Variants in SPOUT1 observed in about 807,000 individuals in gnomAD.
The protein encoded by SPOUT1 is SPOUT domain containing methyltransferase 1, also known as 28S rRNA (uridine-N(3))-methyltransferase.
A neutral mutation model predicts 54.8 loss-of-function variants in SPOUT1; 40 were observed. The ratio of observed to expected loss-of-function variants is 0.73; its 90% CI spans 0.57 to 0.95. The LOEUF is 0.95. Ranked by LOEUF, SPOUT1 falls within the 40% of genes least tolerant of loss-of-function variation. The pLI, the probability that SPOUT1 is intolerant of heterozygous loss-of-function variation, is 0.00. For synonymous variants in SPOUT1, 193 were observed against 200.3 expected, an observed-to-expected ratio of 0.96 and a Z score of 0.31; for missense variants, 437 against 499.5, an observed-to-expected ratio of 0.87 and a Z score of 1.19.
In SPOUT1 at chr9:128,821,150, T is replaced by C. The variant is rs966033910; in HGVS notation, c.*1615A>G. On this transcript the variant is annotated 3_prime_UTR_variant, in exon 12 of 12. Coordinates refer to ENST00000361256, the MANE Select transcript of SPOUT1 (RefSeq NM_016390.4). Reference sequence around the variant, plus strand: ...CCCACCCAATCTTGTTCTGCCAATATGGAACCCCCCGCAGGTCTGCAGTGC... The same window carrying C: ...CCCACCCAATCTTGTTCTGCCAATACGGAACCCCCCGCAGGTCTGCAGTGC... 3.3e-5 allele frequency: 14 copies of C among 428,106 alleles called. No homozygotes were observed. The highest frequency in any genetic ancestry group is 2.2e-4 in the Admixed American group (6 of 27,542). 26.5% of individuals were successfully genotyped at this position (428,106 alleles called of 1,614,324 possible). A position where few individuals can be genotyped will look rare whatever the true frequency, so the allele number is the denominator to read the frequency against.
In SPOUT1 at chr9:128,822,567, C is replaced by G; in HGVS notation, c.*198G>C. The G allele has an allele frequency of 1.3e-6, 2 of 1,565,210 alleles. No homozygotes were observed. The highest frequency in any genetic ancestry group is 1.7e-6 in the Non-Finnish European group (2 of 1,154,678). ...CTGCTCTTTGTGCCAAACATCCTGG[C>G]GCGGGCAGGCAGCCTCAAGGCCATC... is the stretch of plus-strand genomic sequence containing the variant. On this transcript the variant is annotated 3_prime_UTR_variant, in exon 12 of 12. Transcript: ENST00000361256.
Position 128,820,554 on chromosome 9 carries a change from G to C in SPOUT1, c.*2211C>G. The C allele has an allele frequency of 1.7e-6, 1 of 592,850 alleles. No individual in the cohort carries two copies. Among genetic ancestry groups the C allele is most frequent in the Non-Finnish European group, 3.0e-6 (1 of 332,096 alleles). The allele number at this position is 592,850 out of a possible 1,614,324, so 36.7% of individuals were successfully genotyped here. A position where few individuals can be genotyped will look rare whatever the true frequency, so the allele number is the denominator to read the frequency against. On this transcript the variant is annotated 3_prime_UTR_variant, in exon 12 of 12. Transcript: ENST00000361256. The stretch of plus-strand genomic sequence containing the variant: ...TGGGCTGTGGGAGGGACAGAGGGTG[G>C]TGGCTAGCACTCTATCAGCCCTGGG...
Position 128,829,769 on chromosome 9 carries a change from G to A in SPOUT1, c.12C>T (p.Arg4=). Residue 4 remains arginine (R), a synonymous_variant, in exon 1 of 12, where the codon CGC becomes CGT. Transcript: ENST00000361256. Reference sequence around the variant, plus strand: ...CCGGGCCGCACGGCCGCTTCCTGCCGCGCTCCGCCATGTTCCGCACACACC... The same window carrying A: ...CCGGGCCGCACGGCCGCTTCCTGCCACGCTCCGCCATGTTCCGCACACACC... MAE[R]GRKRPCGPGE... 1.2e-6 allele frequency: 2 copies of A among 1,602,410 alleles called. No individual in the cohort carries two copies. The highest frequency in any genetic ancestry group is 1.7e-6 in the Non-Finnish European group (2 of 1,175,292).
rs769784125 is a variant in SPOUT1 at position 128,827,191 on chromosome 9, C to G, written c.209G>C (p.Gly70Ala). 6.2e-7 allele frequency: 1 copy of G among 1,609,914 alleles called. No individual in the cohort carries two copies. The highest frequency in any genetic ancestry group is 8.5e-7 in the Non-Finnish European group (1 of 1,178,038). ...GGCTACGCTCAGTGTGTAGGGCCGC[C>G]CTGAGCAGGGGAGGGATGTTCCCAG... Reference protein sequence around the residue: ...EEAAAEKEDRGRPYTLSVALP... With the variant: ...EEAAAEKEDRARPYTLSVALP... Residue 70 changes from glycine (G) to alanine (A), a missense_variant and splice_region_variant, in exon 4 of 12, where the codon GGG becomes GCG. Transcript: ENST00000361256.
chr9:128,824,267 G>A, intron 9 of SPOUT1, 93 bp from the exon 10 acceptor site: 5 of 547,772 alleles, frequency 9.1e-6, no homozygotes, highest in Non-Finnish European at 1.7e-5. Flanking sequence ...GGGTGGGTGG[G>A]AAGAGCTGTG....
chr9:128,828,681 C>A (rs1830287346), intron 3 of SPOUT1, 54 bp downstream of exon 3: 1 of 1,600,426 alleles, frequency 6.2e-7, no homozygotes, highest in Non-Finnish European at 8.5e-7. Context: ...GCTCTGCCTG[C>A]AGGACAACTA....
rs1261132341 is a variant in SPOUT1, at chr9:128,828,798, C to T, written c.145G>A (p.Ala49Thr). ...AGGCGCTTTGCCTGTTCCTCCTGTGCCCGCTGCCGCTCCAGTTTTTTCATC... is the reference window on the plus strand; with the variant it reads ...AGGCGCTTTGCCTGTTCCTCCTGTGTCCGCTGCCGCTCCAGTTTTTTCATC... ...KLMKKLERQRAQEEQAKRLEE... is the reference protein window; with the variant it reads ...KLMKKLERQRTQEEQAKRLEE... The change falls in exon 3 of 12, where the codon GCA (alanine) becomes ACA (threonine). Residue 49 changes from alanine to threonine, a missense_variant. By Grantham distance (58) the Ala-to-Thr change is moderately conservative. Coordinates refer to ENST00000361256, the MANE Select transcript of SPOUT1 (RefSeq NM_016390.4). The T allele has an allele frequency of 6.2e-7, 1 of 1,614,212 alleles. No homozygotes were observed.
Position 128,822,126 on chromosome 9 carries a change from GA to G in SPOUT1, c.*638del, listed in dbSNP as rs1364644150. ...TGCCTGACCCAGTGTTGGGCATAAG[GA>G]AAACAGAGGGAAAGAGTTAACCACC... is the stretch of plus-strand genomic sequence containing the variant. On this transcript the variant is annotated 3_prime_UTR_variant, in exon 12 of 12. Transcript: ENST00000361256. The G allele has an allele frequency of 3.2e-6, 2 of 627,528 alleles. No individual in the cohort carries two copies. The highest frequency in any genetic ancestry group is 5.6e-5 in the East Asian group (2 of 35,950). The allele number at this position is 627,528 out of a possible 1,614,324, so 38.9% of individuals were successfully genotyped here. A position where few individuals can be genotyped will look rare whatever the true frequency, so the allele number is the denominator to read the frequency against.
rs6478853 is a variant in SPOUT1, at chr9:128,826,534, C to G, written c.458+6G>C. On this transcript the variant is annotated splice_donor_region_variant and intron_variant, in intron 5 of 11. Coordinates refer to ENST00000361256, the MANE Select transcript of SPOUT1 (RefSeq NM_016390.4). The surrounding 1 kb of genome is among the most constrained non-coding windows in gnomAD (Gnocchi z 5.5). Reference sequence around the variant, plus strand: ...TCCCTCATGCTTAGGGGAGTGACCCCCTTACTGTGGACACTCCAGGTACTG... The same window carrying G: ...TCCCTCATGCTTAGGGGAGTGACCCGCTTACTGTGGACACTCCAGGTACTG... The G allele has an allele frequency of 0.27, 436,477 of 1,610,026 alleles. 64,424 individuals carry two copies. The highest frequency in any genetic ancestry group is 0.59 in the African/African-American group (43,865 of 74,704).
chr9:128,821,843 C>T lies in SPOUT1; in HGVS notation c.*922G>A, dbSNP rs1344483148. 4 of 176,934 alleles carry T rather than the reference C, an allele frequency of 2.3e-5. No homozygotes were observed. The East Asian group carries it at 6.2e-4, about 27-fold the overall frequency. 11.0% of individuals were successfully genotyped at this position (176,934 alleles called of 1,614,324 possible). ...AGGGCTCGGCATAGGCTGGCCAAGGCGGTGGTTGGGGCACTGATCAAATTT... is the reference window on the plus strand; with the variant it reads ...AGGGCTCGGCATAGGCTGGCCAAGGTGGTGGTTGGGGCACTGATCAAATTT... On this transcript the variant is annotated 3_prime_UTR_variant, in exon 12 of 12. Transcript: ENST00000361256.
At chr9:128,824,251 A>C (rs1338223805) in intron 9 of SPOUT1, 77 bp from the exon 10 acceptor site, 10 of 364,932 alleles carry the variant, frequency 2.7e-5, no homozygotes, top group East Asian at 6.1e-5. Flanking sequence ...GTGTGTACTG[A>C]GGCGGGGGTG....
At position 128,829,106 on chromosome 9, in the gene SPOUT1, T is replaced by G. The variant is rs1830299001; in HGVS notation, c.82+4A>C. The G allele has an allele frequency of 6.2e-7, 1 of 1,613,364 alleles. No homozygotes were observed. Among genetic ancestry groups the G allele is most frequent in the African/African-American group, 1.3e-5 (1 of 75,034 alleles). On this transcript the variant is annotated splice_donor_region_variant and intron_variant, in intron 2 of 11. Coordinates refer to ENST00000361256, the MANE Select transcript of SPOUT1 (RefSeq NM_016390.4). ...GGAAGATACTCTTACCCACCCTTAC[T>G]TACTCTGTTGCTTCCATTTTCGCCA...
chr9:128,828,724 C>A lies in SPOUT1; in HGVS notation c.208+11G>T. On this transcript the variant is annotated intron_variant, in intron 3 of 11. Coordinates refer to ENST00000361256, the MANE Select transcript of SPOUT1 (RefSeq NM_016390.4). ...CCACAACCTGTGGCCCTCCCCAAGA[C>A]CCCAGCTCACCGCGGTCCTCCTTCT... The A allele has an allele frequency of 6.2e-7, 1 of 1,612,950 alleles. No homozygotes were observed. Among genetic ancestry groups the A allele is most frequent in the Non-Finnish European group, 8.5e-7 (1 of 1,179,998 alleles).
intron 3 of SPOUT1, among the ~76,000 whole-genome samples, chr9:128,827,515 C>T (rs906183504): frequency 2.6e-5 from 4 of 152,234 alleles, no homozygotes; most frequent in South Asian, 2.1e-4. Flanking sequence ...TCTAATAAGT[C>T]TTTAGTGTGT....
intron 7 of SPOUT1, 95 bp downstream of exon 7, chr9:128,825,927 G>T: frequency 1.3e-6 from 2 of 1,513,384 alleles, no homozygotes; most frequent in South Asian, 1.2e-5. Flanking sequence ...AGGGATTTCG[G>T]GCAGGTCCAG....
intron 7 of SPOUT1, among the ~76,000 whole-genome samples, chr9:128,825,329 T>TA (rs1830219550): frequency 6.6e-6 from 1 of 150,558 alleles, no homozygotes. Context: ...CTGCAACTTT[T>TA]TTTTCTTTTT....
chr9:128,824,426 C>A lies in SPOUT1; in HGVS notation c.812-252G>T, dbSNP rs150473369. On this transcript the variant is annotated intron_variant, in intron 9 of 11. Coordinates refer to ENST00000361256, the MANE Select transcript of SPOUT1 (RefSeq NM_016390.4). ...CTGGAAAGTCAAGGACTGAGCAGGG[C>A]AGACACCAAGCCTGTGCTTGGCTGG... Among the ~76,000 whole-genome samples, 98 of 152,142 alleles carry A rather than the reference C, an allele frequency of 6.4e-4. 1 individual carries two copies. Among genetic ancestry groups the A allele is most frequent in the East Asian group, 5.8e-3 (30 of 5,180 alleles).
Position 128,820,727 on chromosome 9 carries a change from C to T in SPOUT1, c.*2038G>A, listed in dbSNP as rs762157621. 1.2e-5 allele frequency: 20 copies of T among 1,601,286 alleles called. No individual in the cohort carries two copies. The highest frequency in any genetic ancestry group is 1.6e-5 in the Non-Finnish European group (19 of 1,172,934). ...CAGCCACAGTCCTGCTAAGCCCTATCTCTCCTACCAGGTGCCCCACCTCAA... is the reference window on the plus strand; with the variant it reads ...CAGCCACAGTCCTGCTAAGCCCTATTTCTCCTACCAGGTGCCCCACCTCAA... On this transcript the variant is annotated 3_prime_UTR_variant, in exon 12 of 12. Transcript: ENST00000361256.
chr9:128,825,853 C>A, intron 7 of SPOUT1, 169 bp downstream of exon 7: 2 of 747,960 alleles, frequency 2.7e-6, no homozygotes, highest in Non-Finnish European at 4.4e-6. Flanking sequence ...ACAGTAAATT[C>A]ATTCCTGGCT....
Sources: gnomAD v4.1 joint callset for allele counts (sites outside exome capture counted in the v4.1 genomes callset) on GRCh38, gnomAD v4.1.1 for gene constraint, Gnocchi (gnomAD v3.1) non-coding constraint, MANE v1.5 for transcripts, NCBI Gene and HGNC (gene_info 2026-07-23, HGNC 2026-07-21) for gene names.